KAZN: variants seen among roughly 807,000 people sequenced by gnomAD.
KAZN encodes the protein kazrin.
KAZN carries 40 observed loss-of-function variants against 87.4 expected under a neutral mutation model. The ratio of observed to expected loss-of-function variants is 0.46; its 90% CI spans 0.36 to 0.60. KAZN has a LOEUF of 0.60. Ranked by LOEUF, KAZN falls within the 20% of genes least tolerant of loss-of-function variation. The probability of loss-of-function intolerance (pLI) is 0.00; values close to 1 mark genes in which losing one functional copy is unlikely to be tolerated. For missense variants in KAZN, 898 were observed against 1,073.9 expected, an observed-to-expected ratio of 0.84 and a Z score of 2.29; for synonymous variants, 466 against 458.3, an observed-to-expected ratio of 1.02 and a Z score of -0.22.
intron 2 of KAZN, among the ~76,000 whole-genome samples, chr1:14,198,702 A>G (rs1471814099): frequency 6.6e-6 from 1 of 152,184 alleles, no homozygotes; most frequent in Non-Finnish European, 1.5e-5. Flanking sequence ...GTGAATGTTT[A>G]TAACTATTAA....
intron 1 of KAZN, among the ~76,000 whole-genome samples, chr1:14,754,481 A>C (rs1644501419): frequency 6.6e-6 from 1 of 151,920 alleles, no homozygotes; most frequent in Non-Finnish European, 1.5e-5. Context: ...AAAAAGACAA[A>C]AATTAGCCAG....
At chr1:14,460,509 T>C (rs571804184) in intron 2 of KAZN, among the ~76,000 whole-genome samples, 4 of 152,208 alleles carry the variant, frequency 2.6e-5, no homozygotes, top group Non-Finnish European at 5.9e-5. Context: ...AGACTCATCT[T>C]AGACCCCAAA....
intron 1 of KAZN, among the ~76,000 whole-genome samples, chr1:14,765,756 G>A (rs773960409): frequency 2.0e-5 from 3 of 152,184 alleles, no homozygotes; most frequent in Admixed American, 6.5e-5. Flanking sequence ...GGAATGGGCT[G>A]CACTCATAAT....
At chr1:14,666,245 G>A (rs1639544280) in intron 1 of KAZN, among the ~76,000 whole-genome samples, 1 of 152,066 alleles carries the variant, frequency 6.6e-6, no homozygotes. Flanking sequence ...ATGGGACAAA[G>A]CATTATGGTC....
chr1:15,040,951 GT>G (rs201462100), intron 3 of KAZN, among the ~76,000 whole-genome samples: 22,978 of 151,196 alleles, frequency 0.15, 1,897 homozygotes, highest in Admixed American at 0.21. Context: ...TTTGTTTTTT[GT>G]TTTTTTTATT....
chr1:14,841,687 A>G (rs956257175), intron 1 of KAZN, among the ~76,000 whole-genome samples: 2 of 152,174 alleles, frequency 1.3e-5, no homozygotes, highest in African/African-American at 4.8e-5. Flanking sequence ...CACAACACAG[A>G]AACCAGCAGA....
At chr1:14,714,475 C>T (rs1642673791) in intron 1 of KAZN, among the ~76,000 whole-genome samples, 1 of 152,036 alleles carries the variant, frequency 6.6e-6, no homozygotes, top group Non-Finnish European at 1.5e-5. Context: ...AACCTCTAGG[C>T]AAGTGTGCAG....
intron 13 of KAZN, among the ~76,000 whole-genome samples, chr1:15,105,979 T>C (rs1295511397): frequency 6.6e-6 from 1 of 152,180 alleles, no homozygotes; most frequent in Non-Finnish European, 1.5e-5. Context: ...AGACAATGTT[T>C]GATAAGAACT....
intron 1 of KAZN, among the ~76,000 whole-genome samples, chr1:14,060,102 C>T (rs114248332): frequency 2.7e-5 from 4 of 150,504 alleles, no homozygotes; most frequent in Admixed American, 2.0e-4. Flanking sequence ...CAGTGGTTCA[C>T]GCCTGTAATC....
intron 1 of KAZN, among the ~76,000 whole-genome samples, chr1:13,965,386 T>C (rs896825237): frequency 6.6e-6 from 1 of 152,126 alleles, no homozygotes; most frequent in Non-Finnish European, 1.5e-5. Flanking sequence ...TTGAATAAGA[T>C]GCTGATGCCA....
At chr1:14,173,716 A>G (rs1217063643) in intron 1 of KAZN, among the ~76,000 whole-genome samples, 1 of 150,890 alleles carries the variant, frequency 6.6e-6, no homozygotes, top group Non-Finnish European at 1.5e-5. Flanking sequence ...GTTCCATCAA[A>G]TTGTCCTGAG....
At chr1:14,696,879 A>G (rs572125364) in intron 1 of KAZN, among the ~76,000 whole-genome samples, 5 of 152,316 alleles carry the variant, frequency 3.3e-5, no homozygotes, top group East Asian at 1.9e-4. Context: ...AGAAAGGACA[A>G]GGCTAAGAAA....
At chr1:14,612,112 T>C (rs1284274744) in intron 1 of KAZN, among the ~76,000 whole-genome samples, 5 of 152,154 alleles carry the variant, frequency 3.3e-5, no homozygotes, top group Non-Finnish European at 7.3e-5. Flanking sequence ...TAATAAATGG[T>C]GATGAATGAG....
chr1:14,433,215 C>T (rs1666183419), intron 2 of KAZN, among the ~76,000 whole-genome samples: 1 of 152,232 alleles, frequency 6.6e-6, no homozygotes, highest in Non-Finnish European at 1.5e-5. Context: ...GCTTTTCCCT[C>T]TTCCCAGAAA....
intron 2 of KAZN, among the ~76,000 whole-genome samples, chr1:14,501,314 G>T (rs1670240440): frequency 6.6e-6 from 1 of 152,038 alleles, no homozygotes; most frequent in Non-Finnish European, 1.5e-5. Flanking sequence ...TGGAAAAGTA[G>T]ATCTATTTGC....
chr1:14,981,807 T>C (rs1418815713), intron 2 of KAZN, among the ~76,000 whole-genome samples: 1 of 152,222 alleles, frequency 6.6e-6, no homozygotes, highest in East Asian at 1.9e-4. Flanking sequence ...ACCCTCTGGA[T>C]TTCATCTTAA....
At chr1:14,106,303 T>C (rs983897600) in intron 1 of KAZN, among the ~76,000 whole-genome samples, 3 of 152,162 alleles carry the variant, frequency 2.0e-5, no homozygotes, top group African/African-American at 7.2e-5. Context: ...AATCCCCAGG[T>C]GGTCATAGAA....
At chr1:14,464,975 C>T (rs1278118695) in intron 2 of KAZN, among the ~76,000 whole-genome samples, 5 of 152,128 alleles carry the variant, frequency 3.3e-5, no homozygotes, top group Non-Finnish European at 7.4e-5. Flanking sequence ...TATTATATTA[C>T]ATCTCCTGAT....
chr1:14,276,978 A>G (rs1652406767), intron 2 of KAZN, among the ~76,000 whole-genome samples: 2 of 152,182 alleles, frequency 1.3e-5, no homozygotes, highest in Non-Finnish European at 1.5e-5. Flanking sequence ...TTGGCCTGTA[A>G]TTTTCCTTAT....
Sources: allele counts gnomAD v4.1 joint callset (sites outside exome capture counted in the v4.1 genomes callset), GRCh38; gene constraint gnomAD v4.1.1; transcripts MANE v1.5; gene names NCBI Gene and HGNC (gene_info 2026-07-23, HGNC 2026-07-21).